Variants in TET2 observed in about 807,000 individuals in gnomAD.
The protein encoded by TET2 is methylcytosine dioxygenase TET2.
A neutral mutation model predicts 142.9 loss-of-function variants in TET2; 299 were observed. The ratio of observed to expected loss-of-function variants is 2.09; its 90% CI spans 1.90 to 2.30. The LOEUF (loss-of-function observed/expected upper bound fraction) is 2.30. TET2 is among the 30% of genes most tolerant of loss of function. The pLI, the probability that TET2 is intolerant of heterozygous loss-of-function variation, is 0.00. For synonymous variants in TET2, 819 were observed against 849.0 expected (o/e 0.96, Z 0.61); for missense variants, 2,418 against 2,378.0 (o/e 1.02, Z -0.35).
intron 1 of TET2, among the ~76,000 whole-genome samples, chr4:105,178,792 T>C (rs1045079251): frequency 1.1e-4 from 17 of 152,078 alleles, no homozygotes; most frequent in African/African-American, 3.9e-4. Flanking sequence ...ATAAAATAAA[T>C]TTAGGCAATC....
chr4:105,170,301 C>T (rs1724391440), intron 1 of TET2, among the ~76,000 whole-genome samples: 1 of 152,082 alleles, frequency 6.6e-6, no homozygotes, highest in South Asian at 2.1e-4. Flanking sequence ...ATGGTGAGCA[C>T]TCAATAAATA....
intron 2 of TET2, among the ~76,000 whole-genome samples, chr4:105,199,383 A>G (rs1450930854): frequency 6.6e-6 from 1 of 152,170 alleles, no homozygotes; most frequent in African/African-American, 2.4e-5. Flanking sequence ...CAGCTGATGA[A>G]TGAATCTCTA....
chr4:105,247,592 T>C (rs1729640178), intron 6 of TET2, among the ~76,000 whole-genome samples: 1 of 152,108 alleles, frequency 6.6e-6, no homozygotes, highest in Non-Finnish European at 1.5e-5. Flanking sequence ...TGATTTTCTC[T>C]GTAAAATTCC....
intron 2 of TET2, among the ~76,000 whole-genome samples, chr4:105,199,637 C>T (rs1273410808): frequency 6.6e-6 from 1 of 152,120 alleles, no homozygotes; most frequent in Non-Finnish European, 1.5e-5. Context: ...TATTTCATCA[C>T]CCAGGTATTA....
intron 1 of TET2, among the ~76,000 whole-genome samples, chr4:105,151,829 C>G (rs768417812): frequency 2.0e-5 from 3 of 152,114 alleles, no homozygotes; most frequent in Non-Finnish European, 4.4e-5. Context: ...AATCCCAGCA[C>G]TTTGGGACGA....
Position 105,276,112 on chromosome 4 carries a change from C to G in TET2, c.5602C>G (p.His1868Asp), listed in dbSNP as rs780808372. The change falls in exon 11 of 11, where the codon CAT (histidine) becomes GAT (aspartate). Residue 1868 changes from histidine (H) to aspartate (D), a missense_variant. Physicochemically the swap from His to Asp is moderately conservative, Grantham distance 81. Coordinates refer to ENST00000380013, the MANE Select transcript of TET2 (RefSeq NM_001127208.3). ...TGGGGGAGTGGCCGTGGCTCCAACT[C>G]ATGGGTCAATTCTCATTGAGTGTGC... ...DIGGVAVAPT[H>D]GSILIECAKR... 6.4e-7 allele frequency: 1 copy of G among 1,551,682 alleles called. No individual in the cohort carries two copies. Among genetic ancestry groups the G allele is most frequent in the Non-Finnish European group, 8.7e-7 (1 of 1,146,988 alleles).
chr4:105,279,085 A>G lies in TET2; in HGVS notation c.*2566A>G, dbSNP rs1345834503. 2.6e-5 allele frequency: 6 copies of G among 232,654 alleles called. No individual in the cohort carries two copies. Among genetic ancestry groups the G allele is most frequent in the Admixed American group, 5.6e-5 (1 of 17,770 alleles). 14.4% of individuals were successfully genotyped at this position (232,654 alleles called of 1,614,324 possible). ...TTTCTTGAATTTGTGGTTGTGTCCAATTTGCAAACATTTCCAAAAATGTTT... is the reference window on the plus strand; with the variant it reads ...TTTCTTGAATTTGTGGTTGTGTCCAGTTTGCAAACATTTCCAAAAATGTTT... On this transcript the variant is annotated 3_prime_UTR_variant, in exon 11 of 11. Transcript: ENST00000380013.
intron 10 of TET2, among the ~76,000 whole-genome samples, chr4:105,274,543 AAC>A (rs1166757019): frequency 6.6e-6 from 1 of 152,228 alleles, no homozygotes; most frequent in Non-Finnish European, 1.5e-5. Context: ...AGTAAAATAA[AAC>A]ATTTTCCTTC....
At chr4:105,254,050 C>T (rs939211360) in intron 6 of TET2, among the ~76,000 whole-genome samples, 9 of 152,132 alleles carry the variant, frequency 5.9e-5, no homozygotes, top group Admixed American at 3.3e-4. Flanking sequence ...TTTATGAATG[C>T]ATTCATGGTC....
intron 1 of TET2, among the ~76,000 whole-genome samples, chr4:105,183,530 A>C (rs1409903428): frequency 6.6e-6 from 1 of 152,168 alleles, no homozygotes; most frequent in Non-Finnish European, 1.5e-5. Context: ...GAAATAATAC[A>C]ATTTAACATC....
Position 105,277,018 on chromosome 4 carries a change from G to A in TET2, c.*499G>A, listed in dbSNP as rs1731259236. 4.3e-6 allele frequency: 1 copy of A among 232,596 alleles called. No homozygotes were observed. Among genetic ancestry groups the A allele is most frequent in the South Asian group, 1.8e-4 (1 of 5,532 alleles). The allele number at this position is 232,596 out of a possible 1,614,324, so 14.4% of individuals were successfully genotyped here. On this transcript the variant is annotated 3_prime_UTR_variant, in exon 11 of 11. Transcript: ENST00000380013. ...TACTGGAATTATGGCTTTTTGAAAT[G>A]CAGTTTTTACTGTAATCTTAACTTT...
chr4:105,253,719 G>A (rs1184514701), intron 6 of TET2, among the ~76,000 whole-genome samples: 1 of 151,998 alleles, frequency 6.6e-6, no homozygotes, highest in Admixed American at 6.6e-5. Context: ...CCTTGTTCCT[G>A]ATCTCAGCAG....
At position 105,160,774 on chromosome 4, in the gene TET2, G is replaced by T. The variant is rs144773233; in HGVS notation, c.-193+13795G>T. On this transcript the variant is annotated intron_variant, in intron 1 of 10. Transcript: ENST00000380013. The stretch of plus-strand genomic sequence containing the variant: ...TTTTTTGGGGGTTTTTTGGTTTGTT[G>T]GTTTGTTTGTTTGTTTGTTTTTGAC... Among the ~76,000 whole-genome samples, 127 of 151,972 alleles carry T rather than the reference G, an allele frequency of 8.4e-4. No homozygotes were observed. In the East Asian group the frequency reaches 0.019, roughly 22 times the overall value.
At chr4:105,270,650 T>C (rs1047675382) in intron 9 of TET2, among the ~76,000 whole-genome samples, 1 of 146,418 alleles carries the variant, frequency 6.8e-6, no homozygotes, top group Admixed American at 6.9e-5. Flanking sequence ...TTGGAGGCAG[T>C]GGTGAGGGGA....
chr4:105,166,829 CTG>C (rs1384367803), intron 1 of TET2, among the ~76,000 whole-genome samples: 1 of 151,968 alleles, frequency 6.6e-6, no homozygotes, highest in East Asian at 1.9e-4. Flanking sequence ...CAGTCTGATT[CTG>C]TCTTTTTTAG....
intron 4 of TET2, 150 bp from the exon 5 acceptor site, chr4:105,242,684 T>G: frequency 7.2e-7 from 1 of 1,386,084 alleles, no homozygotes. Context: ...CCAGTTTGCT[T>G]GGCGTAGACC....
chr4:105,192,841 G>A (rs745443436), intron 2 of TET2, among the ~76,000 whole-genome samples: 1 of 152,076 alleles, frequency 6.6e-6, no homozygotes, highest in African/African-American at 2.4e-5. Flanking sequence ...GGGTTAGGTA[G>A]TAATTGAAGA....
At chr4:105,211,846 G>A (rs1314540319) in intron 2 of TET2, among the ~76,000 whole-genome samples, 1 of 152,082 alleles carries the variant, frequency 6.6e-6, no homozygotes, top group Admixed American at 6.6e-5. Flanking sequence ...TAGTGTTAAT[G>A]TTGTCACTAG....
chr4:105,214,301 A>ATTTTTTTT (rs35390923), intron 2 of TET2, among the ~76,000 whole-genome samples: 2 of 86,034 alleles, frequency 2.3e-5, no homozygotes, highest in Admixed American at 1.6e-4. Flanking sequence ...CCCGAGGGAG[A>ATTTTTTTT]TTTTTTTTTT....
Sources: gnomAD v4.1 joint callset for allele counts (sites outside exome capture counted in the v4.1 genomes callset) on GRCh38, gnomAD v4.1.1 for gene constraint, MANE v1.5 for transcripts, NCBI Gene and HGNC (gene_info 2026-07-23, HGNC 2026-07-21) for gene names.